PSMD1: variants seen among roughly 807,000 people sequenced by gnomAD.
PSMD1 encodes the protein 26S proteasome non-ATPase regulatory subunit 1.
PSMD1 carries 18 observed loss-of-function variants against 119.0 expected under a neutral mutation model. The observed-to-expected ratio is 0.15, with a 90% CI of 0.10 to 0.22. PSMD1 has a LOEUF of 0.22. Among genes scored for constraint, PSMD1 ranks in the 10% least tolerant of loss-of-function variants. PSMD1 has a pLI of 1.00. For missense variants in PSMD1, 702 were observed against 1,158.5 expected (o/e 0.61, Z 5.72); for synonymous variants, 374 against 396.6 (o/e 0.94, Z 0.68).
chr2:231,128,337 A>G (rs930894134), intron 16 of PSMD1, among the ~76,000 whole-genome samples: 1 of 152,244 alleles, frequency 6.6e-6, no homozygotes, highest in Non-Finnish European at 1.5e-5. Context: ...TAGAACTAAG[A>G]CTAGCTCACT....
chr2:231,122,080 A>C (rs1488243843), intron 16 of PSMD1, among the ~76,000 whole-genome samples: 1 of 152,092 alleles, frequency 6.6e-6, no homozygotes, highest in African/African-American at 2.4e-5. Context: ...ATTATTTTTC[A>C]TGGTTTCATG....
chr2:231,062,717 C>T, intron 4 of PSMD1, 42 bp downstream of exon 4: 8 of 1,461,090 alleles, frequency 5.5e-6, no homozygotes, highest in Non-Finnish European at 7.3e-6. Context: ...TTGTCGGCTT[C>T]TTTCTTGCTG....
rs936533550 is a variant in PSMD1 at position 231,151,929 on chromosome 2, C to A, written c.2116-1635C>A. On this transcript the variant is annotated intron_variant, in intron 18 of 24. Coordinates refer to ENST00000308696, the MANE Select transcript of PSMD1 (RefSeq NM_002807.4). ...CTGGATTCAAGCGATTCTCCTGCCT[C>A]AGCCTCCTGAGTAGCTGGGATTATA... Among the ~76,000 whole-genome samples the A allele has an allele frequency of 8.6e-5, 13 of 150,688 alleles. 1 individual carries two copies. The highest frequency in any genetic ancestry group is 1.9e-4 in the Non-Finnish European group (13 of 67,862).
At chr2:231,113,029 G>T (rs1695208652) in intron 16 of PSMD1, among the ~76,000 whole-genome samples, 1 of 152,002 alleles carries the variant, frequency 6.6e-6, no homozygotes, top group African/African-American at 2.4e-5. Flanking sequence ...GCCAGGCATG[G>T]GGGGTGTGTC....
chr2:231,152,066 G>A (rs777072675), intron 18 of PSMD1, among the ~76,000 whole-genome samples: 3 of 151,882 alleles, frequency 2.0e-5, no homozygotes, highest in African/African-American at 4.8e-5. Flanking sequence ...CACCTGCCTC[G>A]GTCTCCCCCA....
Position 231,098,349 on chromosome 2 carries a change from A to G in PSMD1, c.1883+11168A>G, listed in dbSNP as rs528553746. 3.6e-4 allele frequency among the ~76,000 whole-genome samples: 55 copies of G among 152,010 alleles called. No individual in the cohort carries two copies. The East Asian group carries it at 0.01, about 29-fold the overall frequency. Reference sequence around the variant, plus strand: ...ATCCTGGCTTTTAAAGGAATAGGGTACACTGTTTTCTCTTTACTACTTCTA... The same window carrying G: ...ATCCTGGCTTTTAAAGGAATAGGGTGCACTGTTTTCTCTTTACTACTTCTA... On this transcript the variant is annotated intron_variant, in intron 16 of 24. Transcript: ENST00000308696.
chr2:231,113,777 G>T lies in PSMD1; in HGVS notation c.1884-24959G>T, dbSNP rs181580625. 1,082 of 1,614,084 alleles carry T rather than the reference G, an allele frequency of 6.7e-4. 15 individuals are homozygous for T. The South Asian group carries it at 8.5e-3, about 13-fold the overall frequency. ...GTAATCTTGATGAATGCTGTAGCCCGTGAGTTATATTGATTGGCCTGGATT... is the reference window on the plus strand; with the variant it reads ...GTAATCTTGATGAATGCTGTAGCCCTTGAGTTATATTGATTGGCCTGGATT... On this transcript the variant is annotated intron_variant, in intron 16 of 24. Transcript: ENST00000308696.
intron 1 of PSMD1, among the ~76,000 whole-genome samples, chr2:231,060,753 C>T (rs545080746): frequency 2.6e-5 from 4 of 152,258 alleles, no homozygotes; most frequent in South Asian, 2.1e-4. Context: ...AGTATTTTAC[C>T]TTGTTGATTT....
intron 16 of PSMD1, among the ~76,000 whole-genome samples, chr2:231,116,050 TGGGAG>T (rs1695320461): frequency 6.6e-6 from 1 of 152,128 alleles, no homozygotes; most frequent in African/African-American, 2.4e-5. Flanking sequence ...AAGGAACTAA[TGGGAG>T]GCCTCTCAGA....
intron 16 of PSMD1, 90 bp downstream of exon 16, chr2:231,087,271 C>A: frequency 1.8e-6 from 2 of 1,117,466 alleles, no homozygotes; most frequent in Non-Finnish European, 2.6e-6. Context: ...AGTTTAGTCA[C>A]TAAACAAAAA....
At chr2:231,144,438 T>G (rs889213033) in intron 17 of PSMD1, among the ~76,000 whole-genome samples, 11 of 132,236 alleles carry the variant, frequency 8.3e-5, no homozygotes, top group Non-Finnish European at 1.0e-4. Context: ...TTTTTTTTTT[T>G]TTTTTTTTTT....
chr2:231,146,275 C>T lies in PSMD1; in HGVS notation c.2034C>T (p.Asp678=). The change falls in exon 18 of 25, where the codon GAC becomes GAT. Residue 678 remains aspartate (D), a synonymous_variant. Transcript: ENST00000308696. ...AINLLEPMTN[D]PVNYVRQGAL... is the part of the protein sequence containing the mutation. ...ATTTGCTAGAACCAATGACAAACGA[C>T]CCCGTGAACTACGTGAGGCAAGGGG... 1 of 1,613,816 alleles carries T rather than the reference C, an allele frequency of 6.2e-7. No individual in the cohort carries two copies. The highest frequency in any genetic ancestry group is 1.1e-5 in the South Asian group (1 of 91,064).
intron 16 of PSMD1, among the ~76,000 whole-genome samples, chr2:231,128,417 C>G (rs1695776830): frequency 6.6e-6 from 1 of 152,168 alleles, no homozygotes; most frequent in Non-Finnish European, 1.5e-5. Context: ...CATGTTCATT[C>G]TCTTTGACAA....
intron 16 of PSMD1, among the ~76,000 whole-genome samples, chr2:231,106,488 G>A (rs1694977248): frequency 6.6e-6 from 1 of 152,004 alleles, no homozygotes. Context: ...TGTGGGGGCG[G>A]GCACCTGTAA....
intron 19 of PSMD1, among the ~76,000 whole-genome samples, chr2:231,156,053 C>G (rs542138259): frequency 6.6e-6 from 1 of 152,196 alleles, no homozygotes; most frequent in Admixed American, 6.5e-5. Flanking sequence ...ATAATTCTTA[C>G]AATTGTACGG....
In PSMD1 at chr2:231,078,691, A is replaced by G; in HGVS notation, c.1104A>G (p.Ala368=). ...DAVRNSVCHT[A]TVIANSFMHC... is the part of the protein sequence containing the mutation. ...TACGGAATTCTGTATGTCATACTGCAACCGTTATAGCAAACTCTTTTATGC... is the reference window on the plus strand; with the variant it reads ...TACGGAATTCTGTATGTCATACTGCGACCGTTATAGCAAACTCTTTTATGC... The change falls in exon 10 of 25, where the codon GCA becomes GCG. Residue 368 remains alanine, a synonymous_variant. Transcript: ENST00000308696. 6.8e-6 allele frequency: 11 copies of G among 1,610,600 alleles called. No homozygotes were observed. Among genetic ancestry groups the G allele is most frequent in the Non-Finnish European group, 9.3e-6 (11 of 1,178,832 alleles).
rs1042559328 is a variant in PSMD1 at position 231,146,956 on chromosome 2, A to G, written c.2115+600A>G. On this transcript the variant is annotated intron_variant, in intron 18 of 24. Transcript: ENST00000308696. ...ACTCTTGTACATTTTGCCCTTCTGCATAGGAATATAATAGGATGTCAGTGC... is the reference window on the plus strand; with the variant it reads ...ACTCTTGTACATTTTGCCCTTCTGCGTAGGAATATAATAGGATGTCAGTGC... Among the ~76,000 whole-genome samples the G allele has an allele frequency of 3.3e-5, 5 of 152,314 alleles. No individual in the cohort carries two copies. The East Asian group carries it at 5.8e-4, about 18-fold the overall frequency.
At position 231,077,307 on chromosome 2, in the gene PSMD1, A is replaced by G. The variant is rs1459469993; in HGVS notation, c.1071+145A>G. On this transcript the variant is annotated intron_variant, in intron 9 of 24. Transcript: ENST00000308696. ...GTATTTAAGTTTTGAAAAAATAGCA[A>G]TCAATTATCCTCTTGGAGTTGTTGG... The G allele has an allele frequency of 2.4e-5, 16 of 655,344 alleles. No homozygotes were observed. The South Asian group carries it at 3.8e-4, about 15-fold the overall frequency. The allele number at this position is 655,344 out of a possible 1,614,324, so 40.6% of individuals were successfully genotyped here. A position where few individuals can be genotyped will look rare whatever the true frequency, so the allele number is the denominator to read the frequency against.
intron 17 of PSMD1, among the ~76,000 whole-genome samples, chr2:231,145,322 A>G (rs1293367386): frequency 6.6e-6 from 1 of 152,214 alleles, no homozygotes; most frequent in Non-Finnish European, 1.5e-5. Flanking sequence ...TGGTAAAAAT[A>G]CAGTATAAAA....
Sources: gnomAD v4.1 joint callset for allele counts (sites outside exome capture counted in the v4.1 genomes callset) on GRCh38, gnomAD v4.1.1 for gene constraint, MANE v1.5 for transcripts, NCBI Gene and HGNC (gene_info 2026-07-23, HGNC 2026-07-21) for gene names.